The following CAST variants were observed in gnomAD, a reference collection of about 807,000 sequenced individuals.
The protein encoded by CAST is MIR583 host.
CAST carries 76 observed loss-of-function variants against 119.6 expected under a neutral mutation model. That is an observed-to-expected ratio of 0.64 (90% confidence interval 0.53 to 0.77). CAST has a LOEUF of 0.77. Ranked by LOEUF, CAST falls within the 30% of genes least tolerant of loss-of-function variation. CAST has a pLI of 0.00. For missense variants in CAST, 953 were observed against 946.5 expected (o/e 1.01, Z -0.09); for synonymous variants, 319 against 331.6 (o/e 0.96, Z 0.41).
At chr5:96,738,473 G>T (rs902551100) in intron 11 of CAST, among the ~76,000 whole-genome samples, 1 of 152,134 alleles carries the variant, frequency 6.6e-6, no homozygotes, top group South Asian at 2.1e-4. Context: ...ATTTGTTGTT[G>T]TGCTAAGATT....
chr5:96,365,457 C>G, the CAST span, among the ~76,000 whole-genome samples: 1 of 152,276 alleles, frequency 6.6e-6, no homozygotes, highest in African/African-American at 2.4e-5. Context: ...GTGTGGTAGT[C>G]TAAGTCTCTT....
the CAST span, among the ~76,000 whole-genome samples, chr5:96,029,506 G>T: frequency 1.3e-5 from 2 of 152,192 alleles, no homozygotes; most frequent in African/African-American, 4.8e-5. Context: ...ATGTTCACAT[G>T]ACCATGAAGG....
chr5:96,395,148 G>T, the CAST span: 1 of 833,648 alleles, frequency 1.2e-6, no homozygotes, highest in Non-Finnish European at 2.0e-6. Context: ...CATTTCATGT[G>T]AAAGAAACCA....
the CAST span, among the ~76,000 whole-genome samples, chr5:96,236,652 T>C: frequency 6.6e-6 from 1 of 152,222 alleles, no homozygotes; most frequent in African/African-American, 2.4e-5. Context: ...CTGAACTTTC[T>C]GATAATCTAC....
chr5:96,739,248 G>C (rs1347906695), intron 11 of CAST, among the ~76,000 whole-genome samples: 1 of 152,154 alleles, frequency 6.6e-6, no homozygotes, highest in Non-Finnish European at 1.5e-5. Context: ...CTTCAACCAG[G>C]AAGTCCACCT....
chr5:95,974,219 G>A, the CAST span, among the ~76,000 whole-genome samples: 2 of 152,122 alleles, frequency 1.3e-5, no homozygotes, highest in Non-Finnish European at 2.9e-5. Flanking sequence ...TCAGTTGGTG[G>A]GAACCAGCTG....
rs142750578 is a variant in CAST at position 96,685,882 on chromosome 5, A to G, written c.139-9954A>G. ...GTCTTTTGAGCACATTTTGAGTAAC[A>G]CTGAAATAATTCTTGTGGAGTGCAT... On this transcript the variant is annotated intron_variant, in intron 2 of 31. Transcript: ENST00000675179. Among the ~76,000 whole-genome samples, 430 of 152,374 alleles carry G rather than the reference A, an allele frequency of 2.8e-3. 2 individuals carry two copies. Among genetic ancestry groups the G allele is most frequent in the African/African-American group, 9.1e-3 (378 of 41,596 alleles).
chr5:96,263,311 TG>T, the CAST span, among the ~76,000 whole-genome samples: 1 of 149,868 alleles, frequency 6.7e-6, no homozygotes, highest in South Asian at 2.1e-4. Context: ...TGGAGAAGGG[TG>T]GGGGTTGTGG....
the CAST span, among the ~76,000 whole-genome samples, chr5:96,226,331 C>A: frequency 4.3e-4 from 66 of 152,248 alleles, 1 homozygote; most frequent in South Asian, 0.012. Flanking sequence ...AACCAGCCTT[C>A]TGGGAGAAGG....
intron 1 of CAST, among the ~76,000 whole-genome samples, chr5:96,535,735 G>A (rs111428948): frequency 0.44 from 66,921 of 151,130 alleles, 15,632 homozygotes; most frequent in East Asian, 0.86. Context: ...CACCAAGCCC[G>A]GCTAATTTTT....
At chr5:96,743,940 G>T (rs1478305287) in intron 16 of CAST, among the ~76,000 whole-genome samples, 1 of 152,120 alleles carries the variant, frequency 6.6e-6, no homozygotes, top group Non-Finnish European at 1.5e-5. Flanking sequence ...TTGCACTTCT[G>T]CCCCAAGCTT....
At chr5:96,238,366 C>CTTCTTCTTCTT in the CAST span, among the ~76,000 whole-genome samples, 11 of 23,234 alleles carry the variant, frequency 4.7e-4, no homozygotes, top group South Asian at 1.9e-3. Context: ...TTCTTCTTCT[C>CTTCTTCTTCTT]CTTCTTCTCC....
At chr5:96,426,517 C>T in the CAST span, among the ~76,000 whole-genome samples, 1 of 152,180 alleles carries the variant, frequency 6.6e-6, no homozygotes. Context: ...ATGAGCACTA[C>T]TGACCACGCA....
Position 96,580,920 on chromosome 5 carries a change from T to A in CAST, c.60+51040T>A, listed in dbSNP as rs1299172358. Among the ~76,000 whole-genome samples, 3 of 152,100 alleles carry A rather than the reference T, an allele frequency of 2.0e-5. No individual in the cohort carries two copies. In the South Asian group the frequency reaches 6.2e-4, roughly 32 times the overall value. On this transcript the variant is annotated intron_variant, in intron 1 of 11. Transcript: ENST00000505143. ...AGGATGACTGCTTCTATTGAAGAGG[T>A]CCAACGAAGCTCAATTGTCCCTTGC...
At chr5:96,099,684 C>T in the CAST span, among the ~76,000 whole-genome samples, 1 of 152,190 alleles carries the variant, frequency 6.6e-6, no homozygotes, top group Non-Finnish European at 1.5e-5. Flanking sequence ...CCTACTTGAT[C>T]ATGGTTGATA....
the CAST span, among the ~76,000 whole-genome samples, chr5:96,183,588 T>TC: frequency 6.6e-6 from 1 of 152,194 alleles, no homozygotes; most frequent in East Asian, 1.9e-4. Flanking sequence ...GATTTTTTTT[T>TC]CCACATATTT....
At chr5:96,179,026 G>A in the CAST span, among the ~76,000 whole-genome samples, 2 of 152,094 alleles carry the variant, frequency 1.3e-5, no homozygotes, top group South Asian at 2.1e-4. Context: ...AATCAGTCAC[G>A]AAGACCTGTC....
the CAST span, chr5:96,394,973 T>C: frequency 6.2e-7 from 1 of 1,614,006 alleles, no homozygotes; most frequent in Non-Finnish European, 8.5e-7. Context: ...AGAGGTCCCG[T>C]GCAAAATCAG....
chr5:96,213,129 A>G, the CAST span, among the ~76,000 whole-genome samples: 1 of 152,036 alleles, frequency 6.6e-6, no homozygotes, highest in Admixed American at 6.6e-5. Flanking sequence ...TAAAATAATA[A>G]TAATAATAAA....
Sources: allele counts gnomAD v4.1 joint callset (sites outside exome capture counted in the v4.1 genomes callset), GRCh38; gene constraint gnomAD v4.1.1; transcripts MANE v1.5; gene names NCBI Gene and HGNC (gene_info 2026-07-23, HGNC 2026-07-21).